Variants in PDE1C observed in about 807,000 individuals in gnomAD.
PDE1C encodes phosphodiesterase 1C, also known as dual specificity calcium/calmodulin-dependent 3',5'-cyclic nucleotide phosphodiesterase 1C.
Under a neutral mutation model 93.1 loss-of-function variants are expected in PDE1C, and 62 were observed. The ratio of observed to expected loss-of-function variants is 0.67; its 90% CI spans 0.54 to 0.82. The LOEUF (loss-of-function observed/expected upper bound fraction) is 0.82, where lower values mean the gene tolerates loss of function less well. PDE1C is among the 40% of genes least tolerant of loss of function. The probability of loss-of-function intolerance (pLI) is 0.00; values close to 1 mark genes in which losing one functional copy is unlikely to be tolerated. For missense variants in PDE1C, 742 were observed against 884.6 expected (o/e 0.84, Z 2.04); for synonymous variants, 325 against 310.1 (o/e 1.05, Z -0.50).
the PDE1C span, among the ~76,000 whole-genome samples, chr7:31,628,273 C>G: frequency 1.3e-5 from 2 of 152,068 alleles, no homozygotes; most frequent in Non-Finnish European, 2.9e-5. Context: ...AAGCCTGGAG[C>G]ACAGGCAGGG....
At chr7:32,273,503 T>C (rs1811096940) in intron 1 of PDE1C, among the ~76,000 whole-genome samples, 2 of 152,142 alleles carry the variant, frequency 1.3e-5, no homozygotes, top group Non-Finnish European at 2.9e-5. Flanking sequence ...GTTATCACAG[T>C]AAGGGGAACT....
chr7:32,344,265 G>T (rs1292902837), intron 1 of PDE1C, among the ~76,000 whole-genome samples: 1 of 152,028 alleles, frequency 6.6e-6, no homozygotes, highest in Non-Finnish European at 1.5e-5. Context: ...TGTAGAGAGG[G>T]AGGTTTCACT....
chr7:32,387,803 G>A (rs1286033024), intron 1 of PDE1C, among the ~76,000 whole-genome samples: 4 of 147,568 alleles, frequency 2.7e-5, no homozygotes, highest in African/African-American at 1.0e-4. Flanking sequence ...GGCCGGGCGG[G>A]GGGCTGACCC....
intron 1 of PDE1C, among the ~76,000 whole-genome samples, chr7:32,337,732 G>GA (rs1008571570): frequency 4.0e-5 from 6 of 151,526 alleles, no homozygotes; most frequent in Non-Finnish European, 8.8e-5. Flanking sequence ...GAAAGGAGGG[G>GA]GGAGAAGAAA....
At chr7:31,921,937 T>C (rs1213841007) in intron 2 of PDE1C, among the ~76,000 whole-genome samples, 1 of 152,202 alleles carries the variant, frequency 6.6e-6, no homozygotes, top group African/African-American at 2.4e-5. Flanking sequence ...TACAAGTCTA[T>C]GAGATACGTA....
the PDE1C span, among the ~76,000 whole-genome samples, chr7:31,649,550 A>G: frequency 1.3e-5 from 2 of 152,210 alleles, no homozygotes; most frequent in Non-Finnish European, 2.9e-5. Flanking sequence ...ATTCTTGTTA[A>G]CAAGAATAAA....
chr7:32,041,959 T>C (rs1791880126), intron 2 of PDE1C, among the ~76,000 whole-genome samples: 1 of 152,132 alleles, frequency 6.6e-6, no homozygotes, highest in South Asian at 2.1e-4. Flanking sequence ...TTTAAGCTGC[T>C]TCATTTGGGG....
chr7:31,619,497 AT>A, the PDE1C span, among the ~76,000 whole-genome samples: 1 of 152,288 alleles, frequency 6.6e-6, no homozygotes, highest in Admixed American at 6.5e-5. Context: ...GTATCATAGC[AT>A]TTTGATAAGA....
chr7:31,951,158 C>T (rs1243019762), intron 2 of PDE1C, among the ~76,000 whole-genome samples: 3 of 152,158 alleles, frequency 2.0e-5, no homozygotes, highest in South Asian at 4.1e-4. Flanking sequence ...CTCTCATGAC[C>T]TCATTTAACC....
chr7:32,268,056 C>T lies in PDE1C; in HGVS notation c.85+30595G>A, dbSNP rs184328857. ...ACTAGGTGCAGTGGTCATAGGGCAA[C>T]GTCGGGGGTTACCCACCAGCCATGC... On this transcript the variant is annotated intron_variant, in intron 1 of 18. Coordinates refer to the PDE1C transcript ENST00000396193. Among the ~76,000 whole-genome samples, 7 of 152,326 alleles carry T rather than the reference C, an allele frequency of 4.6e-5. No individual in the cohort carries two copies. The East Asian group carries it at 1.2e-3, about 25-fold the overall frequency.
At chr7:31,864,228 C>T (rs184028749) in intron 7 of PDE1C, among the ~76,000 whole-genome samples, 278 of 152,214 alleles carry the variant, frequency 1.8e-3, no homozygotes, top group African/African-American at 5.9e-3. Flanking sequence ...AGATGGTGCA[C>T]GCCCATAGTC....
At chr7:32,165,302 C>CCTCTCCAAACCCCAGGAAGGGG (rs1334937128) in intron 3 of PDE1C, among the ~76,000 whole-genome samples, 2 of 152,168 alleles carry the variant, frequency 1.3e-5, no homozygotes, top group Admixed American at 6.5e-5. Context: ...CATTCACATG[C>CCTCTCCAAACCCCAGGAAGGGG]GTTATCTCCT....
chr7:31,639,444 T>A, the PDE1C span, among the ~76,000 whole-genome samples: 163 of 143,100 alleles, frequency 1.1e-3, no homozygotes, highest in Admixed American at 1.9e-3. Context: ...GGGTTTTTTT[T>A]AAATATCTTG....
At chr7:31,657,194 G>A in the PDE1C span, among the ~76,000 whole-genome samples, 3 of 8,740 alleles carry the variant, frequency 3.4e-4, no homozygotes, top group Admixed American at 1.9e-3. Context: ...ACGCACACTC[G>A]TTCAAAAAGA....
chr7:32,101,061 C>A (rs1220899659), intron 3 of PDE1C, among the ~76,000 whole-genome samples: 2 of 152,176 alleles, frequency 1.3e-5, no homozygotes, highest in South Asian at 2.1e-4. Context: ...AATTAAGAAG[C>A]AAGACCCAGA....
At chr7:31,989,092 AAGAAAGAAAGAAAG>A (rs1783830669) in intron 2 of PDE1C, among the ~76,000 whole-genome samples, 1 of 149,122 alleles carries the variant, frequency 6.7e-6, no homozygotes, top group Non-Finnish European at 1.5e-5. Flanking sequence ...GAAAGAAACA[AAGAAAGAAAGAAAG>A]AGAAAGAGAA....
At chr7:32,230,281 G>C (rs1420109052) in intron 1 of PDE1C, among the ~76,000 whole-genome samples, 2 of 152,164 alleles carry the variant, frequency 1.3e-5, no homozygotes, top group Non-Finnish European at 2.9e-5. Flanking sequence ...AAGGTGATAG[G>C]AGCCAAGGGA....
the PDE1C span, among the ~76,000 whole-genome samples, chr7:31,720,631 C>T: frequency 2.0e-5 from 3 of 152,136 alleles, no homozygotes; most frequent in Admixed American, 6.5e-5. Context: ...AAAAAGCCAG[C>T]AATAAAAAAA....
intron 2 of PDE1C, among the ~76,000 whole-genome samples, chr7:31,918,617 T>G (rs1486361045): frequency 6.6e-6 from 1 of 152,244 alleles, no homozygotes; most frequent in Non-Finnish European, 1.5e-5. Flanking sequence ...CTTGCTGCAT[T>G]CCTTCTCTGT....
Sources: allele counts gnomAD v4.1 joint callset (sites outside exome capture counted in the v4.1 genomes callset), GRCh38; gene constraint gnomAD v4.1.1; transcripts MANE v1.5; gene names NCBI Gene and HGNC (gene_info 2026-07-23, HGNC 2026-07-21).